ADAMTS18: variants seen among roughly 807,000 people sequenced by gnomAD.
ADAMTS18 encodes A disintegrin and metalloproteinase with thrombospondin motifs 18.
A neutral mutation model predicts 165.9 loss-of-function variants in ADAMTS18; 157 were observed. The observed-to-expected ratio is 0.95, with a 90% CI of 0.83 to 1.08. ADAMTS18 has a LOEUF of 1.08. Among genes scored for constraint, ADAMTS18 ranks in the 50% least tolerant of loss-of-function variants. ADAMTS18 has a pLI of 0.00. For synonymous variants in ADAMTS18, 782 were observed against 578.2 expected, an observed-to-expected ratio of 1.35 and a Z score of -5.06; for missense variants, 2,040 against 1,534.0, an observed-to-expected ratio of 1.33 and a Z score of -5.51.
At chr16:77,407,101 G>C (rs530621553) in intron 3 of ADAMTS18, among the ~76,000 whole-genome samples, 40 of 152,122 alleles carry the variant, frequency 2.6e-4, no homozygotes, top group African/African-American at 9.4e-4. Context: ...AATAAAAATT[G>C]AAGAGAAAGG....
Position 77,367,655 on chromosome 16 carries a change from T to C in ADAMTS18, c.564A>G (p.Glu188=), listed in dbSNP as rs1440148435. 1 of 1,614,038 alleles carries C rather than the reference T, an allele frequency of 6.2e-7. No homozygotes were observed. Among genetic ancestry groups the C allele is most frequent in the Non-Finnish European group, 8.5e-7 (1 of 1,180,028 alleles). ...ISPLPQLLAQ[E]HNYSSPAGHH... ...GACCCGCAGGGGAGCTGTAGTTGTGTTCCTGGGCCAGAAGCTGAGGTAATG... is the reference window on the plus strand; with the variant it reads ...GACCCGCAGGGGAGCTGTAGTTGTGCTCCTGGGCCAGAAGCTGAGGTAATG... The change falls in exon 4 of 23, where the codon GAA becomes GAG. Residue 188 remains glutamate, a synonymous_variant. Coordinates refer to ENST00000282849, the MANE Select transcript of ADAMTS18 (RefSeq NM_199355.4).
intron 16 of ADAMTS18, among the ~76,000 whole-genome samples, chr16:77,311,748 C>A (rs1160816132): frequency 6.9e-6 from 1 of 144,042 alleles, no homozygotes; most frequent in South Asian, 2.2e-4. Flanking sequence ...TTGAATGAAA[C>A]CATAACTCCT....
intron 11 of ADAMTS18, among the ~76,000 whole-genome samples, chr16:77,336,363 C>T (rs1017628978): frequency 1.3e-5 from 2 of 152,158 alleles, no homozygotes; most frequent in African/African-American, 4.8e-5. Flanking sequence ...CATGAAGTAA[C>T]AGTTAAGATA....
chr16:77,330,729 A>G (rs1190357089), intron 12 of ADAMTS18, among the ~76,000 whole-genome samples: 1 of 152,240 alleles, frequency 6.6e-6, no homozygotes, highest in Non-Finnish European at 1.5e-5. Flanking sequence ...GTCAACAAAA[A>G]AAAACTGGTA....
intron 16 of ADAMTS18, among the ~76,000 whole-genome samples, chr16:77,310,046 G>T (rs979996532): frequency 6.6e-6 from 1 of 152,206 alleles, no homozygotes; most frequent in African/African-American, 2.4e-5. Context: ...TTTTTAAAAT[G>T]TGTGTTACAG....
At chr16:77,318,852 T>A (rs1429841622) in intron 16 of ADAMTS18, among the ~76,000 whole-genome samples, 2 of 152,194 alleles carry the variant, frequency 1.3e-5, no homozygotes, top group Admixed American at 1.3e-4. Context: ...ACATGACTCC[T>A]AAGAGTAGCT....
At position 77,289,494 on chromosome 16, in the gene ADAMTS18, G is replaced by A. The variant is rs763734589; in HGVS notation, c.3403-83C>T. The A allele has an allele frequency of 1.1e-5, 16 of 1,520,300 alleles. No homozygotes were observed. In the Middle Eastern group the frequency reaches 6.7e-4, roughly 63 times the overall value. The allele number at this position is 1,520,300 out of a possible 1,614,324, so 94.2% of individuals were successfully genotyped here. On this transcript the variant is annotated intron_variant, in intron 21 of 22. Coordinates refer to ENST00000282849, the MANE Select transcript of ADAMTS18 (RefSeq NM_199355.4). ...AACAGAAGGAATTCCCATGCTTCAT[G>A]ACATTAACAAGATGCCTGCTGATGA...
Position 77,364,392 on chromosome 16 carries a change from C to G in ADAMTS18, c.779-11G>C, listed in dbSNP as rs372083541. ...GAGGCTTGGGAGCATCTACGATGAACAGAAGAGCATTTGGAAGGGATATTA... is the reference window on the plus strand; with the variant it reads ...GAGGCTTGGGAGCATCTACGATGAAGAGAAGAGCATTTGGAAGGGATATTA... On this transcript the variant is annotated splice_polypyrimidine_tract_variant and intron_variant, in intron 4 of 22. Transcript: ENST00000282849. The G allele has an allele frequency of 6.2e-7, 1 of 1,613,000 alleles. No individual in the cohort carries two copies. The highest frequency in any genetic ancestry group is 1.7e-5 in the Admixed American group (1 of 59,852).
rs371575580 is a variant in ADAMTS18 at position 77,434,536 on chromosome 16, G to C, written c.91-31C>G. The C allele has an allele frequency of 1.4e-4, 219 of 1,537,206 alleles. No individual in the cohort carries two copies. In the African/African-American group the frequency reaches 1.9e-3, roughly 13 times the overall value. On this transcript the variant is annotated intron_variant, in intron 1 of 22. Coordinates refer to ENST00000282849, the MANE Select transcript of ADAMTS18 (RefSeq NM_199355.4). ...AGAGAAAAGGTGACATCGCGCGTGA[G>C]GGGCGCGGCGGGGCTGGCGTCGGGC... is the stretch of plus-strand genomic sequence containing the variant.
intron 3 of ADAMTS18, chr16:77,378,966 C>G (rs2056992925): frequency 6.6e-6 from 1 of 152,102 alleles, no homozygotes; most frequent in Non-Finnish European, 1.5e-5. Context: ...AAGAACTAAG[C>G]AAGGTTTGAA....
chr16:77,363,954 T>C (rs2056753958), intron 5 of ADAMTS18, 69 bp from the exon 6 acceptor site: 1 of 1,434,698 alleles, frequency 7.0e-7, no homozygotes. Context: ...CAATCAGACA[T>C]ATTGACTGAA....
Position 77,362,150 on chromosome 16 carries a change from C to T in ADAMTS18, c.1171G>A (p.Gly391Arg), listed in dbSNP as rs866646272. The T allele has an allele frequency of 6.2e-7, 1 of 1,614,084 alleles. No homozygotes were observed. Among genetic ancestry groups the T allele is most frequent in the Non-Finnish European group, 8.5e-7 (1 of 1,180,016 alleles). Residue 391 changes from glycine (G) to arginine (R), a missense_variant, in exon 7 of 23, where the codon GGA becomes AGA. Coordinates refer to ENST00000282849, the MANE Select transcript of ADAMTS18 (RefSeq NM_199355.4). ...KRHDHAILLTGFDICSWKNEP... is the reference protein window; with the variant it reads ...KRHDHAILLTRFDICSWKNEP... ...TTCTTCCAAGAACAAATATCAAATC[C>T]TGTTAGTAAGATGGCATGATCATGT...
chr16:77,291,467 G>A lies in ADAMTS18; in HGVS notation c.3201C>T (p.Thr1067=). 1 of 1,614,148 alleles carries A rather than the reference G, an allele frequency of 6.2e-7. No homozygotes were observed. The highest frequency in any genetic ancestry group is 8.5e-7 in the Non-Finnish European group (1 of 1,180,018). The change falls in exon 21 of 23, where the codon ACC becomes ACT. Residue 1067 remains threonine (T), a synonymous_variant. Transcript: ENST00000282849. The part of the protein sequence containing the change: ...VASSWSECSA[T]CGLGVRKREM... ...CCCTCTTCCTCACACCCAAACCACA[G>A]GTTGCAGAACACTAGGAGCCAAGAC...
At chr16:77,303,425 G>A (rs1463808955) in intron 16 of ADAMTS18, among the ~76,000 whole-genome samples, 1 of 152,164 alleles carries the variant, frequency 6.6e-6, no homozygotes, top group Non-Finnish European at 1.5e-5. Context: ...TGCTCATAGG[G>A]AATACCCTTC....
intron 22 of ADAMTS18, among the ~76,000 whole-genome samples, chr16:77,288,636 A>G (rs1175727774): frequency 1.3e-5 from 2 of 152,112 alleles, no homozygotes; most frequent in Non-Finnish European, 2.9e-5. Context: ...TGATTTCTGA[A>G]TTTTTTATAT....
intron 3 of ADAMTS18, among the ~76,000 whole-genome samples, chr16:77,386,377 C>T (rs908579641): frequency 2.0e-5 from 3 of 152,192 alleles, no homozygotes; most frequent in Non-Finnish European, 4.4e-5. Flanking sequence ...TACCTGCAGG[C>T]CCAACCTGGA....
chr16:77,389,212 G>C (rs542882182), intron 3 of ADAMTS18, among the ~76,000 whole-genome samples: 2 of 152,174 alleles, frequency 1.3e-5, no homozygotes, highest in Non-Finnish European at 2.9e-5. Context: ...GGCTGAAGCA[G>C]GAGTATCACT....
chr16:77,337,312 A>G (rs1344828801), intron 11 of ADAMTS18, among the ~76,000 whole-genome samples: 2 of 152,194 alleles, frequency 1.3e-5, no homozygotes, highest in Admixed American at 1.3e-4. Flanking sequence ...CAAAATTACA[A>G]TAGCCAATAA....
intron 3 of ADAMTS18, among the ~76,000 whole-genome samples, chr16:77,381,400 G>C (rs1468538256): frequency 6.6e-6 from 1 of 152,158 alleles, no homozygotes; most frequent in African/African-American, 2.4e-5. Flanking sequence ...CTAGCCTCCC[G>C]CCAAGTACCT....
Sources: allele counts gnomAD v4.1 joint callset (sites outside exome capture counted in the v4.1 genomes callset), GRCh38; gene constraint gnomAD v4.1.1; transcripts MANE v1.5; gene names NCBI Gene and HGNC (gene_info 2026-07-23, HGNC 2026-07-21).